AGTR2: variants seen among roughly 807,000 people sequenced by gnomAD.
AGTR2 encodes the protein type-2 angiotensin II receptor.
A neutral mutation model predicts 14.2 loss-of-function variants in AGTR2; 15 were observed. The ratio of observed to expected loss-of-function variants is 1.05; its 90% confidence interval spans 0.70 to 1.62. The LOEUF is 1.62. Ranked by LOEUF, AGTR2 falls within the 40% of genes most tolerant of loss-of-function variation. The pLI, the probability that AGTR2 is intolerant of heterozygous loss-of-function variation, is 0.00. For synonymous variants in AGTR2, 101 were observed against 98.5 expected (o/e 1.03, Z -0.15); for missense variants, 274 against 273.1 (o/e 1.00, Z -0.02).
intron 2 of AGTR2, among the ~76,000 whole-genome samples, chrX:116,171,270 G>GA (rs782802553): frequency 1.9e-5 from 2 of 107,044 alleles, no homozygotes; most frequent in Non-Finnish European, 3.9e-5. Flanking sequence ...TGCTTCTAGT[G>GA]AAAAAAATCA....
In AGTR2 at chrX:116,173,151, G is replaced by C. The variant is rs1163188247; in HGVS notation, c.871G>C (p.Glu291Gln). 1.7e-6 allele frequency: 2 copies of C among 1,205,564 alleles called. No homozygotes were observed. Among genetic ancestry groups the C allele is most frequent in the Non-Finnish European group, 2.2e-6 (2 of 892,500 alleles). Residue 291 changes from glutamate (E) to glutamine (Q), a missense_variant, in exon 3 of 3, where the codon GAA becomes CAA. Coordinates refer to ENST00000371906, the MANE Select transcript of AGTR2 (RefSeq NM_000686.5). Reference protein sequence around the residue: ...LAWMGVINSCEVIAVIDLALP... With the variant: ...LAWMGVINSCQVIAVIDLALP... ...CTGGATGGGTGTCATTAATAGCTGC[G>C]AAGTTATAGCAGTCATTGACCTGGC...
chrX:116,172,677 T>C lies in AGTR2; in HGVS notation c.397T>C (p.Phe133Leu). 8.3e-7 allele frequency: 1 copy of C among 1,211,183 alleles called. No individual in the cohort carries two copies. Among genetic ancestry groups the C allele is most frequent in the Non-Finnish European group, 1.1e-6 (1 of 895,152 alleles). The change falls in exon 3 of 3, where the codon TTT (phenylalanine) becomes CTT (leucine). Residue 133 changes from phenylalanine to leucine, a missense_variant. Coordinates refer to ENST00000371906, the MANE Select transcript of AGTR2 (RefSeq NM_000686.5). ...TACCCTGAACATGTTTGCAAGCATT[T>C]TTTTTATCACCTGCATGAGTGTTGA... The part of the protein sequence containing the change: ...FLTLNMFASI[F>L]FITCMSVDRY...
Position 116,173,461 on chromosome X carries a change from A to C in AGTR2, c.*89A>C. ...TTAAGTGGTTTTAATAAAATAATAA[A>C]ATTTCCCCTAATCTTTTCTGAATCT... On this transcript the variant is annotated 3_prime_UTR_variant, in exon 3 of 3. Coordinates refer to ENST00000371906, the MANE Select transcript of AGTR2 (RefSeq NM_000686.5). The C allele has an allele frequency of 9.2e-7, 1 of 1,088,893 alleles. No individual in the cohort carries two copies. The highest frequency in any genetic ancestry group is 2.1e-5 in the South Asian group (1 of 48,649). The allele number at this position is 1,088,893 out of a possible 1,213,427, so 89.7% of individuals were successfully genotyped here.
rs1411878108 is a variant in AGTR2, at chrX:116,173,918, ATAGT to A, written c.*549_*552del. 1.6e-5 allele frequency: 2 copies of A among 127,800 alleles called. No individual in the cohort carries two copies. Among genetic ancestry groups the A allele is most frequent in the Non-Finnish European group, 3.6e-5 (2 of 55,768 alleles). The allele number at this position is 127,800 out of a possible 1,213,427, so 10.5% of individuals were successfully genotyped here. On this transcript the variant is annotated 3_prime_UTR_variant, in exon 3 of 3. Coordinates refer to ENST00000371906, the MANE Select transcript of AGTR2 (RefSeq NM_000686.5). ...TTGCATTTCACTTGAGTGGAGGTTT[ATAGT>A]TAATCTATAACTACATATTGAATAG...
Position 116,172,286 on chromosome X carries a change from G to A in AGTR2, c.6G>A (p.Lys2=). The A allele has an allele frequency of 8.3e-7, 1 of 1,210,802 alleles. No individual in the cohort carries two copies. Among genetic ancestry groups the A allele is most frequent in the Non-Finnish European group, 1.1e-6 (1 of 894,963 alleles). The part of the protein sequence containing the change: M[K]GNSTLATTSK... ...GGAGCTGCTGACATTTCAATATGAA[G>A]GGCAACTCCACCCTTGCCACTACTA... Residue 2 remains lysine (K), a synonymous_variant, in exon 3 of 3, where the codon AAG becomes AAA. Coordinates refer to ENST00000371906, the MANE Select transcript of AGTR2 (RefSeq NM_000686.5).
At chrX:116,171,185 C>CT (rs1288126244) in intron 2 of AGTR2, among the ~76,000 whole-genome samples, 158 bp downstream of exon 2, 10 of 109,523 alleles carry the variant, frequency 9.1e-5, no homozygotes, top group Non-Finnish European at 1.5e-4. Context: ...TATTTTGAAA[C>CT]TATCTAAAGT....
At position 116,172,563 on chromosome X, in the gene AGTR2, G is replaced by T; in HGVS notation, c.283G>T (p.Ala95Ser). The T allele has an allele frequency of 8.3e-7, 1 of 1,211,054 alleles. No homozygotes were observed. Among genetic ancestry groups the T allele is most frequent in the East Asian group, 3.0e-5 (1 of 33,820 alleles). Residue 95 changes from alanine to serine, a missense_variant, in exon 3 of 3, where the codon GCT becomes TCT. Coordinates refer to ENST00000371906, the MANE Select transcript of AGTR2 (RefSeq NM_000686.5). Reference protein sequence around the residue: ...NLAVADLLLLATLPLWATYYS... With the variant: ...NLAVADLLLLSTLPLWATYYS... The stretch of plus-strand genomic sequence containing the variant: ...CGCTGTGGCTGATTTACTCCTTTTG[G>T]CTACTCTTCCTCTATGGGCAACCTA...
chrX:116,173,914 G>T lies in AGTR2; in HGVS notation c.*542G>T, dbSNP rs1166783653. 1 of 127,170 alleles carries T rather than the reference G, an allele frequency of 7.9e-6. No homozygotes were observed. Among genetic ancestry groups the T allele is most frequent in the African/African-American group, 3.2e-5 (1 of 30,820 alleles). 10.5% of individuals were successfully genotyped at this position (127,170 alleles called of 1,213,427 possible). On this transcript the variant is annotated 3_prime_UTR_variant, in exon 3 of 3. Transcript: ENST00000371906. ...CCTCTTGCATTTCACTTGAGTGGAGGTTTATAGTTAATCTATAACTACATA... is the reference window on the plus strand; with the variant it reads ...CCTCTTGCATTTCACTTGAGTGGAGTTTTATAGTTAATCTATAACTACATA...
chrX:116,172,358 T>C lies in AGTR2; in HGVS notation c.78T>C (p.Ser26=). The part of the protein sequence containing the change: ...SGLHFGLVNI[S]GNNESTLNCS... ...TTCACTTCGGGCTTGTGAACATCTCTGGCAACAATGAGTCTACCTTGAACT... is the reference window on the plus strand; with the variant it reads ...TTCACTTCGGGCTTGTGAACATCTCCGGCAACAATGAGTCTACCTTGAACT... The change falls in exon 3 of 3, where the codon TCT becomes TCC. Residue 26 remains serine, a synonymous_variant. Coordinates refer to ENST00000371906, the MANE Select transcript of AGTR2 (RefSeq NM_000686.5). The C allele has an allele frequency of 1.7e-6, 2 of 1,211,253 alleles. No homozygotes were observed. Among genetic ancestry groups the C allele is most frequent in the Non-Finnish European group, 1.1e-6 (1 of 895,102 alleles).
At position 116,173,155 on chromosome X, in the gene AGTR2, T is replaced by C; in HGVS notation, c.875T>C (p.Val292Ala). The C allele has an allele frequency of 3.3e-6, 4 of 1,208,095 alleles. No individual in the cohort carries two copies. The highest frequency in any genetic ancestry group is 4.5e-6 in the Non-Finnish European group (4 of 893,050). ...AWMGVINSCEVIAVIDLALPF... is the reference protein window; with the variant it reads ...AWMGVINSCEAIAVIDLALPF... ...ATGGGTGTCATTAATAGCTGCGAAG[T>C]TATAGCAGTCATTGACCTGGCACTT... Residue 292 changes from valine (V) to alanine (A), a missense_variant, in exon 3 of 3, where the codon GTT becomes GCT. Coordinates refer to ENST00000371906, the MANE Select transcript of AGTR2 (RefSeq NM_000686.5).
Position 116,172,426 on chromosome X carries a change from T to C in AGTR2, c.146T>C (p.Ile49Thr), listed in dbSNP as rs1240183957. 5.8e-6 allele frequency: 7 copies of C among 1,208,818 alleles called. No individual in the cohort carries two copies. Among genetic ancestry groups the C allele is most frequent in the African/African-American group, 3.5e-5 (2 of 57,160 alleles). The change falls in exon 3 of 3, where the codon ATT becomes ACT. Residue 49 changes from isoleucine to threonine, a missense_variant. Transcript: ENST00000371906. Reference sequence around the variant, plus strand: ...GATAAGCATTTAGATGCAATTCCTATTCTTTACTACATTATATTTGTAATT... The same window carrying C: ...GATAAGCATTTAGATGCAATTCCTACTCTTTACTACATTATATTTGTAATT... ...PSDKHLDAIP[I>T]LYYIIFVIGF...
In AGTR2 at chrX:116,173,494, C is replaced by A; in HGVS notation, c.*122C>A. ...CTAATCTTTTCTGAATCTTCTGAAA[C>A]CAAATGTAACTATGTTTTATCGTCC... On this transcript the variant is annotated 3_prime_UTR_variant, in exon 3 of 3. Transcript: ENST00000371906. The A allele has an allele frequency of 1.1e-6, 1 of 899,191 alleles. No homozygotes were observed. The allele number at this position is 899,191 out of a possible 1,213,427, so 74.1% of individuals were successfully genotyped here.
Position 116,173,617 on chromosome X carries a change from T to A in AGTR2, c.*245T>A, listed in dbSNP as rs1350075368. On this transcript the variant is annotated 3_prime_UTR_variant, in exon 3 of 3. Transcript: ENST00000371906. ...CAACCTAGAAGTAACTGGTGATATA[T>A]CTCAAATTGTAATTAATAATAGATT... 1 of 363,043 alleles carries A rather than the reference T, an allele frequency of 2.8e-6. No individual in the cohort carries two copies. Among genetic ancestry groups the A allele is most frequent in the Middle Eastern group, 8.2e-4 (1 of 1,220 alleles). 29.9% of individuals were successfully genotyped at this position (363,043 alleles called of 1,213,427 possible). A position where few individuals can be genotyped will look rare whatever the true frequency, so the allele number is the denominator to read the frequency against.
chrX:116,173,394 A>G lies in AGTR2; in HGVS notation c.*22A>G. 1 of 1,209,960 alleles carries G rather than the reference A, an allele frequency of 8.3e-7. No homozygotes were observed. Among genetic ancestry groups the G allele is most frequent in the Non-Finnish European group, 1.1e-6 (1 of 893,975 alleles). On this transcript the variant is annotated 3_prime_UTR_variant, in exon 3 of 3. Coordinates refer to ENST00000371906, the MANE Select transcript of AGTR2 (RefSeq NM_000686.5). ...TTAAACGTGAGAGCAAAATGCATGT[A>G]ATCAACATGGCTACTTGCTTTGAGG... is the stretch of plus-strand genomic sequence containing the variant.
chrX:116,171,235 G>GT (rs36173764), intron 2 of AGTR2, among the ~76,000 whole-genome samples: 16,450 of 99,978 alleles, frequency 0.16, 1,101 homozygotes, highest in South Asian at 0.27. Context: ...TAGCTAATGT[G>GT]TTTTTTTTTT....
chrX:116,173,420 C>T lies in AGTR2; in HGVS notation c.*48C>T. ...ATCAACATGGCTACTTGCTTTGAGG[C>T]TCACCAGAATTATTTTTAAGTGGTT... On this transcript the variant is annotated 3_prime_UTR_variant, in exon 3 of 3. Transcript: ENST00000371906. 8.4e-6 allele frequency: 10 copies of T among 1,197,387 alleles called. No homozygotes were observed. The highest frequency in any genetic ancestry group is 2.2e-5 in the Admixed American group (1 of 45,316).
rs1556673769 is a variant in AGTR2, at chrX:116,172,809, C to T, written c.529C>T (p.Pro177Ser). 1.7e-6 allele frequency: 2 copies of T among 1,208,872 alleles called. No individual in the cohort carries two copies. The highest frequency in any genetic ancestry group is 2.2e-5 in the Admixed American group (1 of 45,599). The change falls in exon 3 of 3, where the codon CCA (proline) becomes TCA (serine). Residue 177 changes from proline to serine, a missense_variant. Transcript: ENST00000371906. ...VWCMACLSSL[P>S]TFYFRDVRTI... Reference sequence around the variant, plus strand: ...GTGTATGGCCTGTTTGTCCTCATTGCCAACATTTTATTTTCGAGACGTCAG... The same window carrying T: ...GTGTATGGCCTGTTTGTCCTCATTGTCAACATTTTATTTTCGAGACGTCAG...
At position 116,173,596 on chromosome X, in the gene AGTR2, C is replaced by G. The variant is rs978456979; in HGVS notation, c.*224C>G. 1 of 404,974 alleles carries G rather than the reference C, an allele frequency of 2.5e-6. No homozygotes were observed. The highest frequency in any genetic ancestry group is 4.3e-5 in the East Asian group (1 of 23,519). 33.4% of individuals were successfully genotyped at this position (404,974 alleles called of 1,213,427 possible). A position where few individuals can be genotyped will look rare whatever the true frequency, so the allele number is the denominator to read the frequency against. Reference sequence around the variant, plus strand: ...GTCATTAGTGAGACATATTTACAACCTAGAAGTAACTGGTGATATATCTCA... The same window carrying G: ...GTCATTAGTGAGACATATTTACAACGTAGAAGTAACTGGTGATATATCTCA... On this transcript the variant is annotated 3_prime_UTR_variant, in exon 3 of 3. Transcript: ENST00000371906.
At chrX:116,172,163 TGAC>T in intron 2 of AGTR2, 80 bp from the exon 3 acceptor site, 1 of 935,492 alleles carries the variant, frequency 1.1e-6, no homozygotes, top group Admixed American at 2.6e-5. Flanking sequence ...TTTTTGCTTT[TGAC>T]AAACATTCAA....
Sources: allele counts gnomAD v4.1 joint callset (sites outside exome capture counted in the v4.1 genomes callset), GRCh38; gene constraint gnomAD v4.1.1; transcripts MANE v1.5; gene names NCBI Gene and HGNC (gene_info 2026-07-23, HGNC 2026-07-21).